The following APBB2 variants were observed in gnomAD, a reference collection of about 807,000 sequenced individuals.
APBB2 encodes the protein amyloid beta precursor protein binding family B member 2, also known as Fe65-like 1.
In APBB2, 38 loss-of-function variants were observed where a neutral mutation model predicts 82.5. The observed-to-expected ratio is 0.46, with a 90% CI of 0.36 to 0.60. The LOEUF is 0.60. APBB2 is among the 20% of genes least tolerant of loss of function. The probability of loss-of-function intolerance (pLI) is 0.00; values close to 1 mark genes in which losing one functional copy is unlikely to be tolerated. For synonymous variants in APBB2, 341 were observed against 368.2 expected (o/e 0.93, Z 0.85); for missense variants, 772 against 972.3 (o/e 0.79, Z 2.74).
Position 40,825,926 on chromosome 4 carries a change from C to T in APBB2, c.1777G>A (p.Val593Met), listed in dbSNP as rs199509946. Residue 593 changes from valine (V) to methionine (M), a missense_variant, in exon 15 of 18, where the codon GTG becomes ATG. By Grantham distance (21) the Val-to-Met change is conservative (BLOSUM62 1). Transcript: ENST00000508593. ...ACAGGTAACATGCCCAAGTACTGCA[C>T]GTGGAACTTCTGGACCAGCTCAGTC... is the stretch of plus-strand genomic sequence containing the variant. Reference protein sequence around the residue: ...PKTELVQKFHVQYLGMLPVDK... With the variant: ...PKTELVQKFHMQYLGMLPVDK... 110 of 1,614,028 alleles carry T rather than the reference C, an allele frequency of 6.8e-5. No individual in the cohort carries two copies. The highest frequency in any genetic ancestry group is 8.9e-5 in the Non-Finnish European group (105 of 1,180,014).
intron 12 of APBB2, among the ~76,000 whole-genome samples, chr4:40,842,186 A>C (rs1243518571): frequency 6.6e-6 from 1 of 152,248 alleles, no homozygotes; most frequent in Non-Finnish European, 1.5e-5. Context: ...CGCAGATGCA[A>C]TTCCAGACTC....
intron 2 of APBB2, among the ~76,000 whole-genome samples, chr4:41,124,500 G>A (rs928654696): frequency 2.6e-5 from 4 of 152,048 alleles, no homozygotes; most frequent in Admixed American, 6.6e-5. Context: ...GTGAGCCACC[G>A]CGCCTGGCCT....
intron 2 of APBB2, among the ~76,000 whole-genome samples, chr4:41,119,770 A>C (rs1752249613): frequency 6.6e-6 from 1 of 152,302 alleles, no homozygotes; most frequent in African/African-American, 2.4e-5. Flanking sequence ...GCACATATAA[A>C]AAGTCTACCA....
chr4:41,183,251 C>T (rs943862319), intron 1 of APBB2, among the ~76,000 whole-genome samples: 1 of 152,212 alleles, frequency 6.6e-6, no homozygotes, highest in Non-Finnish European at 1.5e-5. Context: ...TTTACAATGA[C>T]TCTGCTTCCT....
intron 12 of APBB2, among the ~76,000 whole-genome samples, chr4:40,871,714 C>T (rs1376945398): frequency 6.6e-6 from 1 of 152,218 alleles, no homozygotes; most frequent in Admixed American, 6.5e-5. Context: ...CCTCAGTAAA[C>T]CATAAAGCAT....
chr4:41,144,081 C>A (rs1760010511), intron 1 of APBB2, among the ~76,000 whole-genome samples: 1 of 152,198 alleles, frequency 6.6e-6, no homozygotes, highest in Admixed American at 6.5e-5. Context: ...ATTAAGAAGT[C>A]TTCATTTGTT....
chr4:41,108,738 A>G (rs907584712), intron 2 of APBB2, among the ~76,000 whole-genome samples: 2 of 152,122 alleles, frequency 1.3e-5, no homozygotes, highest in African/African-American at 4.8e-5. Flanking sequence ...TGACACACGC[A>G]CCCAGGCCTA....
intron 12 of APBB2, among the ~76,000 whole-genome samples, chr4:40,860,486 G>A (rs888023359): frequency 2.6e-5 from 4 of 152,196 alleles, no homozygotes; most frequent in Admixed American, 6.5e-5. Context: ...CCAGGACACC[G>A]TGGGGAGAGG....
At chr4:40,863,129 T>C (rs916263745) in intron 12 of APBB2, among the ~76,000 whole-genome samples, 1 of 152,222 alleles carries the variant, frequency 6.6e-6, no homozygotes, top group African/African-American at 2.4e-5. Flanking sequence ...TCTGAGCTCC[T>C]TGAAGGCAGC....
At chr4:40,890,291 G>A (rs1771594358) in intron 12 of APBB2, 73 bp downstream of exon 12, 4 of 1,530,602 alleles carry the variant, frequency 2.6e-6, no homozygotes, top group East Asian at 2.4e-5. Flanking sequence ...AATGCTGCGA[G>A]CCCATGCTTT....
chr4:41,208,032 C>G (rs1778395219), intron 1 of APBB2: 1 of 152,160 alleles, frequency 6.6e-6, no homozygotes. Flanking sequence ...AATAAATGAC[C>G]TGTGGGGCTA....
At chr4:40,869,546 C>T (rs1764896440) in intron 12 of APBB2, among the ~76,000 whole-genome samples, 1 of 151,886 alleles carries the variant, frequency 6.6e-6, no homozygotes, top group African/African-American at 2.4e-5. Context: ...TATGATCCTG[C>T]CACTGTACTC....
At chr4:40,842,479 G>C (rs568895935) in intron 12 of APBB2, 1 of 393,300 alleles carries the variant, frequency 2.5e-6, no homozygotes, top group African/African-American at 2.1e-5. Flanking sequence ...TCTGAGCACT[G>C]ACAGCTCATC....
intron 1 of APBB2, among the ~76,000 whole-genome samples, chr4:41,200,366 G>T (rs1446372190): frequency 1.2e-4 from 18 of 151,322 alleles, no homozygotes; most frequent in Admixed American, 1.2e-3. Flanking sequence ...TGGAAGAAAT[G>T]AATGACCTAT....
intron 2 of APBB2, among the ~76,000 whole-genome samples, chr4:41,104,611 A>T (rs1432849313): frequency 6.6e-6 from 1 of 152,156 alleles, no homozygotes; most frequent in Non-Finnish European, 1.5e-5. Context: ...CCCAATAGGT[A>T]GTTTTGCAAT....
intron 1 of APBB2, among the ~76,000 whole-genome samples, chr4:41,212,389 G>C (rs1375504707): frequency 6.6e-6 from 1 of 152,086 alleles, no homozygotes; most frequent in East Asian, 1.9e-4. Context: ...GCCCAGGCTG[G>C]AGTGCAGTGG....
intron 2 of APBB2, among the ~76,000 whole-genome samples, chr4:41,132,018 C>T (rs992686020): frequency 2.7e-5 from 4 of 148,326 alleles, no homozygotes; most frequent in East Asian, 2.0e-4. Context: ...CCAGCTTGGG[C>T]GACAGAGCAA....
chr4:41,143,494 G>A (rs944352035), intron 1 of APBB2, among the ~76,000 whole-genome samples: 1 of 152,192 alleles, frequency 6.6e-6, no homozygotes, highest in Non-Finnish European at 1.5e-5. Context: ...TTCTGGCAGG[G>A]CTCAGTCTGA....
At chr4:41,027,697 A>ATGTACCAAGAGCCTACTATG (rs11275871) in intron 5 of APBB2, among the ~76,000 whole-genome samples, 9,382 of 152,210 alleles carry the variant, frequency 0.062, 968 homozygotes, top group African/African-American at 0.21. Flanking sequence ...TTCATTAAAT[A>ATGTACCAAGAGCCTACTATG]TGTACCAAGA....
Sources: gnomAD v4.1 joint callset for allele counts (sites outside exome capture counted in the v4.1 genomes callset) on GRCh38, gnomAD v4.1.1 for gene constraint, MANE v1.5 for transcripts, NCBI Gene and HGNC (gene_info 2026-07-23, HGNC 2026-07-21) for gene names.